GABRR1: variants seen among roughly 807,000 people sequenced by gnomAD.
GABRR1 encodes gamma-aminobutyric acid type A receptor subunit rho1.
A neutral mutation model predicts 55.5 loss-of-function variants in GABRR1; 59 were observed. The ratio of observed to expected loss-of-function variants is 1.06; its 90% CI spans 0.86 to 1.32. GABRR1 has a LOEUF of 1.32. Among genes scored for constraint, GABRR1 ranks in the 40% most tolerant of loss-of-function variants. The pLI is 0.00. For missense variants in GABRR1, 602 were observed against 619.1 expected, an observed-to-expected ratio of 0.97 and a Z score of 0.29; for synonymous variants, 213 against 226.0, an observed-to-expected ratio of 0.94 and a Z score of 0.51.
intron 1 of GABRR1, among the ~76,000 whole-genome samples, chr6:89,223,592 A>G (rs544267774): frequency 6.6e-6 from 1 of 152,042 alleles, no homozygotes; most frequent in Non-Finnish European, 1.5e-5. Flanking sequence ...ATCAAATGGT[A>G]GTTTCTACTT....
At chr6:89,208,433 G>C (rs1051847153) in intron 1 of GABRR1, among the ~76,000 whole-genome samples, 1 of 152,188 alleles carries the variant, frequency 6.6e-6, no homozygotes, top group Non-Finnish European at 1.5e-5. Context: ...GGGTCAACTT[G>C]CTTAGACCAT....
At chr6:89,204,472 G>A in intron 1 of GABRR1, 1 of 329,058 alleles carries the variant, frequency 3.0e-6, no homozygotes, top group Non-Finnish European at 5.6e-6. Context: ...GATCCCTGTG[G>A]ACCCTCAATA....
intron 1 of GABRR1, among the ~76,000 whole-genome samples, chr6:89,212,510 G>A (rs896589795): frequency 4.6e-5 from 7 of 152,194 alleles, no homozygotes; most frequent in Non-Finnish European, 8.8e-5. Context: ...GACAAAGAAT[G>A]CATGATAATG....
intron 1 of GABRR1, among the ~76,000 whole-genome samples, chr6:89,210,394 A>G (rs368105430): frequency 6.6e-6 from 1 of 151,858 alleles, no homozygotes; most frequent in South Asian, 2.1e-4. Flanking sequence ...GGGTTTCACT[A>G]TGTTGCCTAG....
At chr6:89,204,541 C>G in intron 1 of GABRR1, 1 of 893,096 alleles carries the variant, frequency 1.1e-6, no homozygotes, top group African/African-American at 1.8e-5. Flanking sequence ...AAAAGGGAGA[C>G]AGGAGGGAAT....
At chr6:89,211,991 C>T (rs539945091) in intron 1 of GABRR1, 2 of 232,322 alleles carry the variant, frequency 8.6e-6, no homozygotes, top group African/African-American at 2.3e-5. Flanking sequence ...TTCTCTAGGC[C>T]CAGTTTCCTT....
intron 2 of GABRR1, 42 bp from the exon 3 acceptor site, chr6:89,201,307 C>A: frequency 7.5e-7 from 1 of 1,333,744 alleles, no homozygotes; most frequent in South Asian, 1.2e-5. Context: ...ATATTCCAAC[C>A]AAGACAAATA....
chr6:89,199,326 T>TC, intron 4 of GABRR1, 36 bp downstream of exon 4: 3 of 1,598,862 alleles, frequency 1.9e-6, no homozygotes, highest in Non-Finnish European at 2.6e-6. Context: ...GCTTTGTGAA[T>TC]CCCCCTGCCA....
upstream of GABRR1, among the ~76,000 whole-genome samples, chr6:89,217,978 GA>G (rs1320960460): frequency 3.3e-5 from 5 of 152,266 alleles, no homozygotes; most frequent in South Asian, 1.0e-3. Context: ...TTCTTATCAT[GA>G]ACCTTGCTGC....
At chr6:89,202,295 G>A (rs1318517772) in intron 2 of GABRR1, among the ~76,000 whole-genome samples, 1 of 151,834 alleles carries the variant, frequency 6.6e-6, no homozygotes, top group Non-Finnish European at 1.5e-5. Flanking sequence ...TTGTTTGTTT[G>A]TTTGTTTGTT....
intron 1 of GABRR1, among the ~76,000 whole-genome samples, chr6:89,216,595 C>G (rs1772988343): frequency 6.6e-6 from 1 of 152,112 alleles, no homozygotes; most frequent in South Asian, 2.1e-4. Flanking sequence ...TGTGTAAGCT[C>G]CCTCTGCAAG....
At chr6:89,181,063 T>C (rs1418994855) in intron 8 of GABRR1, among the ~76,000 whole-genome samples, 2 of 152,188 alleles carry the variant, frequency 1.3e-5, no homozygotes, top group African/African-American at 4.8e-5. Context: ...GTTAACTTCA[T>C]TTATAGGAAA....
intron 1 of GABRR1, among the ~76,000 whole-genome samples, chr6:89,229,246 C>A (rs1245473827): frequency 6.6e-6 from 1 of 151,974 alleles, no homozygotes; most frequent in Non-Finnish European, 1.5e-5. Context: ...TTAATTGGAG[C>A]ATTTAGGCCA....
Position 89,179,037 on chromosome 6 carries a change from C to A in GABRR1, c.1173G>T (p.Pro391=), listed in dbSNP as rs370391229. Reference sequence around the variant, plus strand: ...TGCCGTCCAGCATCGCAGTGCGGGGCGGAGGTAATCCGCTGGTGCAGGGAA... The same window carrying A: ...TGCCGTCCAGCATCGCAGTGCGGGGAGGAGGTAATCCGCTGGTGCAGGGAA... ...EKLPCTSGLP[P]PRTAMLDGNY... is the part of the protein sequence containing the mutation. The change falls in exon 10 of 10, where the codon CCG becomes CCT. Residue 391 remains proline, a synonymous_variant. Coordinates refer to ENST00000454853, the MANE Select transcript of GABRR1 (RefSeq NM_002042.5). 1 of 1,613,836 alleles carries A rather than the reference C, an allele frequency of 6.2e-7. No individual in the cohort carries two copies. Among genetic ancestry groups the A allele is most frequent in the Admixed American group, 1.7e-5 (1 of 59,998 alleles).
upstream of GABRR1, among the ~76,000 whole-genome samples, chr6:89,218,158 G>T (rs373696154): frequency 2.6e-5 from 4 of 152,268 alleles, no homozygotes; most frequent in East Asian, 3.9e-4. Flanking sequence ...TCGTGGAAGA[G>T]ACCGCATTAG....
chr6:89,185,159 T>C (rs967688764), intron 7 of GABRR1, 151 bp downstream of exon 7: 3 of 973,844 alleles, frequency 3.1e-6, no homozygotes, highest in African/African-American at 3.2e-5. Context: ...TGCTGGGACA[T>C]GAGCCACTGC....
chr6:89,200,243 T>C (rs913014653), intron 3 of GABRR1, among the ~76,000 whole-genome samples: 8 of 13,222 alleles, frequency 6.1e-4, no homozygotes, highest in East Asian at 0.019. Context: ...CTTTTTCCCT[T>C]TTTTTTTTTT....
At position 89,178,526 on chromosome 6, in the gene GABRR1, G is replaced by C. The variant is rs1379899770; in HGVS notation, c.*244C>G. 2.0e-6 allele frequency: 1 copy of C among 503,578 alleles called. No homozygotes were observed. The highest frequency in any genetic ancestry group is 3.6e-6 in the Non-Finnish European group (1 of 279,584). The allele number at this position is 503,578 out of a possible 1,614,324, so 31.2% of individuals were successfully genotyped here. A position where few individuals can be genotyped will look rare whatever the true frequency, so the allele number is the denominator to read the frequency against. On this transcript the variant is annotated 3_prime_UTR_variant, in exon 10 of 10. Coordinates refer to ENST00000454853, the MANE Select transcript of GABRR1 (RefSeq NM_002042.5). ...ATCTGGGTAACAACTAACATCAGTC[G>C]CTACAGTGTCGTATTTCCTGCAGCA...
At chr6:89,213,090 AAAACATGAATT>A (rs1386845054) in intron 1 of GABRR1, among the ~76,000 whole-genome samples, 1 of 152,148 alleles carries the variant, frequency 6.6e-6, no homozygotes, top group Non-Finnish European at 1.5e-5. Flanking sequence ...AGATTCTGGG[AAAACATGAATT>A]ATTTCCTGGA....
Sources: allele counts gnomAD v4.1 joint callset (sites outside exome capture counted in the v4.1 genomes callset), GRCh38; gene constraint gnomAD v4.1.1; transcripts MANE v1.5; gene names NCBI Gene and HGNC (gene_info 2026-07-23, HGNC 2026-07-21).